The following ANKRD44 variants were observed in gnomAD, a reference collection of about 807,000 sequenced individuals.
The protein encoded by ANKRD44 is ankyrin repeat domain 44.
In ANKRD44, 35 loss-of-function variants were observed where a neutral mutation model predicts 116.0. That is an observed-to-expected ratio of 0.30 (90% CI 0.23 to 0.40). The LOEUF is 0.40. Among genes scored for constraint, ANKRD44 ranks in the 10% least tolerant of loss-of-function variants. The pLI is 1.00. For missense variants in ANKRD44, 1,014 were observed against 1,242.6 expected, an observed-to-expected ratio of 0.82 and a Z score of 2.77; for synonymous variants, 435 against 461.8, an observed-to-expected ratio of 0.94 and a Z score of 0.74.
intron 2 of ANKRD44, among the ~76,000 whole-genome samples, chr2:197,186,612 CTTTTTTTTTTT>C (rs149107038): frequency 5.1e-4 from 26 of 50,776 alleles, no homozygotes; most frequent in African/African-American, 9.5e-4. Context: ...GCTAATTTTT[CTTTTTTTTTTT>C]TTTTTTTTTT....
At chr2:196,977,770 G>A (rs1454773018) in intron 21 of ANKRD44, among the ~76,000 whole-genome samples, 1 of 152,046 alleles carries the variant, frequency 6.6e-6, no homozygotes, top group Non-Finnish European at 1.5e-5. Flanking sequence ...CAGCCTCTGC[G>A]GAACAGTTTG....
intron 17 of ANKRD44, among the ~76,000 whole-genome samples, chr2:197,023,543 C>T (rs76268328): frequency 5.3e-5 from 8 of 151,752 alleles, no homozygotes; most frequent in Non-Finnish European, 7.4e-5. Context: ...TAGCAGAGTA[C>T]ACAATAAGCA....
chr2:197,215,246 A>C (rs1446680968), intron 1 of ANKRD44, among the ~76,000 whole-genome samples: 2 of 152,198 alleles, frequency 1.3e-5, no homozygotes, highest in African/African-American at 4.8e-5. Flanking sequence ...CTGTGTTGAG[A>C]TGATGTATAA....
At chr2:196,982,194 A>G (rs1052078590), downstream of ANKRD44, among the ~76,000 whole-genome samples, 2 of 150,874 alleles carry the variant, frequency 1.3e-5, no homozygotes, top group South Asian at 2.1e-4. Flanking sequence ...TAGGCTTGCA[A>G]TAAGGACATG....
rs1474279040 is a variant in ANKRD44, at chr2:197,201,260, A to T, written c.28-14154T>A. On this transcript the variant is annotated intron_variant, in intron 1 of 27. Coordinates refer to ENST00000282272, the MANE Select transcript of ANKRD44 (RefSeq NM_001195144.2). This position sits in a 1 kb window ranked among gnomAD's most constrained non-coding sequence, Gnocchi z 4.0. ...TCATGTGAAGGGCACGTGTGAAGAC[A>T]TAATCTTGACAGTCATATTACAGAA... is the stretch of plus-strand genomic sequence containing the variant. Among the ~76,000 whole-genome samples the T allele has an allele frequency of 6.6e-6, 1 of 152,270 alleles. No individual in the cohort carries two copies. Among genetic ancestry groups the T allele is most frequent in the East Asian group, 1.9e-4 (1 of 5,204 alleles).
chr2:197,264,001 TC>T (rs1335900095), intron 1 of ANKRD44, among the ~76,000 whole-genome samples: 4 of 152,144 alleles, frequency 2.6e-5, no homozygotes. Flanking sequence ...GCATCTGTAG[TC>T]CCAGCTACAC....
intron 1 of ANKRD44, among the ~76,000 whole-genome samples, chr2:197,244,886 T>C (rs950089432): frequency 6.6e-6 from 1 of 152,258 alleles, no homozygotes; most frequent in Non-Finnish European, 1.5e-5. Context: ...GAATTTACAG[T>C]TGGCCCTCCA....
At chr2:197,137,463 C>A (rs1006907952) in intron 3 of ANKRD44, among the ~76,000 whole-genome samples, 39 of 152,300 alleles carry the variant, frequency 2.6e-4, no homozygotes, top group African/African-American at 9.4e-4. Flanking sequence ...CAGGAGCTGA[C>A]TAATCTCCAA....
At chr2:197,254,841 T>C (rs1352217603) in intron 1 of ANKRD44, among the ~76,000 whole-genome samples, 1 of 152,214 alleles carries the variant, frequency 6.6e-6, no homozygotes. Context: ...TCTAGGCGTA[T>C]GTACTAGTTG....
chr2:197,007,953 A>T (rs758057494), intron 19 of ANKRD44, 30 bp from the exon 20 acceptor site: 1 of 1,519,944 alleles, frequency 6.6e-7, no homozygotes, highest in South Asian at 1.1e-5. Flanking sequence ...AGGCTTTTAA[A>T]AAGGAGATTT....
chr2:197,125,762 C>T, intron 5 of ANKRD44, 75 bp downstream of exon 5: 1 of 1,464,938 alleles, frequency 6.8e-7, no homozygotes, highest in Non-Finnish European at 9.5e-7. Context: ...AAAATCTCAG[C>T]AAGAAGATCA....
At chr2:197,244,147 A>T (rs1243744083) in intron 1 of ANKRD44, among the ~76,000 whole-genome samples, 1 of 152,240 alleles carries the variant, frequency 6.6e-6, no homozygotes, top group Non-Finnish European at 1.5e-5. Flanking sequence ...AACCCAACTT[A>T]GGTAGCTATA....
intron 4 of ANKRD44, 71 bp downstream of exon 4, chr2:197,136,521 T>C: frequency 1.4e-6 from 2 of 1,448,578 alleles, no homozygotes; most frequent in East Asian, 2.3e-5. Context: ...GTAAGGATTC[T>C]TAATTCGCTA....
At chr2:197,234,159 T>C (rs960075617) in intron 1 of ANKRD44, among the ~76,000 whole-genome samples, 3 of 152,174 alleles carry the variant, frequency 2.0e-5, no homozygotes, top group Admixed American at 6.5e-5. Context: ...GACTTCTTTC[T>C]GCAGATTAAC....
chr2:197,064,769 T>C (rs1368073619), intron 16 of ANKRD44, among the ~76,000 whole-genome samples: 5 of 152,192 alleles, frequency 3.3e-5, no homozygotes, highest in African/African-American at 4.8e-5. Flanking sequence ...TAAATATATA[T>C]GCACCCAATA....
chr2:197,005,989 C>G, intron 20 of ANKRD44, 79 bp from the exon 21 acceptor site: 1 of 1,383,312 alleles, frequency 7.2e-7, no homozygotes, highest in South Asian at 1.2e-5. Context: ...TGAGGCTGGG[C>G]TTAGAGCAAG....
intron 21 of ANKRD44, among the ~76,000 whole-genome samples, chr2:196,972,168 C>T (rs556903104): frequency 6.6e-6 from 1 of 152,176 alleles, no homozygotes; most frequent in African/African-American, 2.4e-5. Context: ...AGGCTACCTT[C>T]CCAGTGCTAC....
At chr2:197,049,162 C>T (rs893216362) in intron 16 of ANKRD44, among the ~76,000 whole-genome samples, 7 of 151,968 alleles carry the variant, frequency 4.6e-5, no homozygotes, top group Admixed American at 2.0e-4. Flanking sequence ...TTTCTTTTGC[C>T]GTGCAGAAGC....
intron 1 of ANKRD44, among the ~76,000 whole-genome samples, chr2:197,307,674 G>A (rs527723652): frequency 6.6e-6 from 1 of 152,102 alleles, no homozygotes; most frequent in South Asian, 2.1e-4. Flanking sequence ...GGTCACTACA[G>A]GACTGACTGC....
Sources: gnomAD v4.1 joint callset for allele counts (sites outside exome capture counted in the v4.1 genomes callset) on GRCh38, gnomAD v4.1.1 for gene constraint, Gnocchi (gnomAD v3.1) non-coding constraint, MANE v1.5 for transcripts, NCBI Gene and HGNC (gene_info 2026-07-23, HGNC 2026-07-21) for gene names.